Variants in FRMD3 observed in about 807,000 individuals in gnomAD.
FRMD3 encodes FERM domain containing 3.
In FRMD3, 33 loss-of-function variants were observed where a neutral mutation model predicts 70.2. The observed-to-expected ratio is 0.47, with a 90% CI of 0.36 to 0.63. The LOEUF (loss-of-function observed/expected upper bound fraction) is 0.63. FRMD3 is among the 20% of genes least tolerant of loss of function. The probability of loss-of-function intolerance (pLI) is 0.00; values close to 1 mark genes in which losing one functional copy is unlikely to be tolerated. For missense variants in FRMD3, 632 were observed against 711.4 expected, an observed-to-expected ratio of 0.89 and a Z score of 1.27; for synonymous variants, 279 against 255.9, an observed-to-expected ratio of 1.09 and a Z score of -0.86.
chr9:83,413,909 TTA>T (rs1193921186), intron 1 of FRMD3, among the ~76,000 whole-genome samples: 4 of 152,234 alleles, frequency 2.6e-5, no homozygotes, highest in Non-Finnish European at 5.9e-5. Context: ...TTACCCAATG[TTA>T]TAAGAATACA....
chr9:83,278,730 C>T (rs569937468), intron 13 of FRMD3, among the ~76,000 whole-genome samples: 1 of 152,248 alleles, frequency 6.6e-6, no homozygotes, highest in South Asian at 2.1e-4. Flanking sequence ...GAGTCAGAAG[C>T]CCGGTCTAGC....
chr9:83,320,657 T>A (rs1226476805), intron 6 of FRMD3, among the ~76,000 whole-genome samples: 2 of 152,178 alleles, frequency 1.3e-5, no homozygotes, highest in Non-Finnish European at 2.9e-5. Context: ...TCTTTCTCTG[T>A]TTTGGGTATC....
chr9:83,437,025 T>C (rs1010173560), intron 1 of FRMD3, among the ~76,000 whole-genome samples: 1 of 152,186 alleles, frequency 6.6e-6, no homozygotes, highest in Non-Finnish European at 1.5e-5. Context: ...TCATCTGCAA[T>C]GGTTCCACCA....
At chr9:83,264,772 A>C (rs888241144) in intron 13 of FRMD3, among the ~76,000 whole-genome samples, 1 of 150,872 alleles carries the variant, frequency 6.6e-6, no homozygotes, top group African/African-American at 2.4e-5. Flanking sequence ...AAATTTGTTT[A>C]TGAAAAAGTT....
intron 13 of FRMD3, among the ~76,000 whole-genome samples, chr9:83,278,062 G>A (rs1356843783): frequency 6.6e-6 from 1 of 152,170 alleles, no homozygotes; most frequent in Non-Finnish European, 1.5e-5. Context: ...TAGATTGGAG[G>A]AATTACTCAG....
chr9:83,248,287 C>A lies in FRMD3; in HGVS notation c.1425G>T (p.Leu475Phe), dbSNP rs763907705. 1 of 1,614,176 alleles carries A rather than the reference C, an allele frequency of 6.2e-7. No homozygotes were observed. The highest frequency in any genetic ancestry group is 1.7e-5 in the Admixed American group (1 of 60,020). Residue 475 changes from leucine to phenylalanine, a missense_variant, in exon 14 of 14, where the codon TTG (leucine) becomes TTT (phenylalanine). Physicochemically the swap from Leu to Phe is conservative, Grantham distance 22. This residue lies in a region of FRMD3 where 418 missense variants were observed against 442.1 expected (regional missense o/e 0.95). Transcript: ENST00000304195. The stretch of plus-strand genomic sequence containing the variant: ...CAAATGAATCTGTGTCTTCTCTTTC[C>A]AACTCAAGCCTAGAAGGACAGTCAA... ...MLFDCPSRLE[L>F]EREDTDSFED...
chr9:83,579,515 A>G, the FRMD3 span, among the ~76,000 whole-genome samples: 1 of 152,162 alleles, frequency 6.6e-6, no homozygotes, highest in Non-Finnish European at 1.5e-5. Context: ...CAAAGGTTCC[A>G]AGAACACACA....
chr9:83,560,166 A>C, the FRMD3 span, among the ~76,000 whole-genome samples: 1 of 152,188 alleles, frequency 6.6e-6, no homozygotes, highest in Admixed American at 6.5e-5. Context: ...TTACACATCC[A>C]TACCTTGGCA....
At chr9:83,509,330 G>A (rs1042262932) in intron 1 of FRMD3, among the ~76,000 whole-genome samples, 5 of 152,182 alleles carry the variant, frequency 3.3e-5, no homozygotes, top group African/African-American at 1.2e-4. Flanking sequence ...ATATGGGTTA[G>A]GTTTAAATTC....
chr9:83,443,393 T>A (rs780797081), intron 1 of FRMD3, among the ~76,000 whole-genome samples: 14 of 152,186 alleles, frequency 9.2e-5, no homozygotes, highest in Non-Finnish European at 2.1e-4. Flanking sequence ...ATGCGGTGTT[T>A]GGTTTTCCAT....
chr9:83,544,793 G>C, the FRMD3 span, among the ~76,000 whole-genome samples: 3 of 152,108 alleles, frequency 2.0e-5, no homozygotes, highest in Non-Finnish European at 4.4e-5. Context: ...AATTCATACA[G>C]AGCCTTGGCC....
chr9:83,493,387 T>C (rs1828872635), intron 1 of FRMD3, among the ~76,000 whole-genome samples: 1 of 152,188 alleles, frequency 6.6e-6, no homozygotes, highest in Non-Finnish European at 1.5e-5. Flanking sequence ...CACTTGCAAA[T>C]TGTCATACAG....
chr9:83,345,192 G>A (rs538521516), intron 4 of FRMD3, among the ~76,000 whole-genome samples: 78 of 152,280 alleles, frequency 5.1e-4, no homozygotes, highest in African/African-American at 1.8e-3. Context: ...GGCACTGGGG[G>A]CATGGTGGAG....
chr9:83,333,915 G>T (rs1376953752), intron 6 of FRMD3, among the ~76,000 whole-genome samples: 1 of 152,050 alleles, frequency 6.6e-6, no homozygotes, highest in Admixed American at 6.6e-5. Context: ...TAGAGTTTGG[G>T]AGAACTGAGT....
At chr9:83,507,453 G>GT (rs974487311) in intron 1 of FRMD3, among the ~76,000 whole-genome samples, 2 of 148,946 alleles carry the variant, frequency 1.3e-5, no homozygotes, top group African/African-American at 2.5e-5. Context: ...GGATCACAAG[G>GT]TCAGGAGATC....
upstream of FRMD3, among the ~76,000 whole-genome samples, chr9:83,539,009 G>T (rs185384427): frequency 6.6e-5 from 10 of 152,286 alleles, no homozygotes; most frequent in East Asian, 1.9e-3. Flanking sequence ...CTAGGACTCA[G>T]TCTCTTTCTC....
upstream of FRMD3, among the ~76,000 whole-genome samples, chr9:83,539,630 G>A (rs2131571406): frequency 6.6e-6 from 1 of 152,234 alleles, no homozygotes; most frequent in Admixed American, 6.5e-5. Flanking sequence ...AGTCTGGTGG[G>A]CCATATATTC....
At chr9:83,525,545 A>G (rs758207797) in intron 1 of FRMD3, among the ~76,000 whole-genome samples, 1 of 152,236 alleles carries the variant, frequency 6.6e-6, no homozygotes, top group African/African-American at 2.4e-5. Context: ...TAACATGTTT[A>G]ATTTTGTAGC....
chr9:83,371,735 C>T (rs1824980222), intron 3 of FRMD3, among the ~76,000 whole-genome samples: 14 of 152,178 alleles, frequency 9.2e-5, no homozygotes, highest in Admixed American at 9.2e-4. Flanking sequence ...ACTTTCCACA[C>T]CCACTGCTGC....
Sources: allele counts gnomAD v4.1 joint callset (sites outside exome capture counted in the v4.1 genomes callset), GRCh38; gene constraint gnomAD v4.1.1; regional missense constraint gnomAD v4.1.1; transcripts MANE v1.5; gene names NCBI Gene and HGNC (gene_info 2026-07-23, HGNC 2026-07-21).